SPACA7: variants seen among roughly 807,000 people sequenced by gnomAD.
SPACA7 encodes the protein sperm acrosome associated 7, also known as sperm acrosome-associated protein 7.
SPACA7 carries 19 observed loss-of-function variants against 26.3 expected under a neutral mutation model. The ratio of observed to expected loss-of-function variants is 0.72; its 90% CI spans 0.50 to 1.06. The LOEUF (loss-of-function observed/expected upper bound fraction) is 1.06, where lower values mean the gene tolerates loss of function less well. Ranked by LOEUF, SPACA7 falls within the 50% of genes least tolerant of loss-of-function variation. SPACA7 has a pLI of 0.00. For missense variants in SPACA7, 211 were observed against 229.9 expected, an observed-to-expected ratio of 0.92 and a Z score of 0.53; for synonymous variants, 84 against 84.5, an observed-to-expected ratio of 0.99 and a Z score of 0.04.
Position 112,399,068 on chromosome 13 carries a change from G to C in SPACA7, c.244G>C (p.Ala82Pro). 1.9e-6 allele frequency: 3 copies of C among 1,586,120 alleles called. No individual in the cohort carries two copies. Among genetic ancestry groups the C allele is most frequent in the Non-Finnish European group, 2.6e-6 (3 of 1,155,872 alleles). ...TTTTTCCATGTTCTTCATTGAAGATGCTGGTATTGATGAGAATTATCAAGC... is the reference window on the plus strand; with the variant it reads ...TTTTTCCATGTTCTTCATTGAAGATCCTGGTATTGATGAGAATTATCAAGC... ...TASTLSTPLH[A>P]GIDENYQAGG... The change falls in exon 4 of 7, where the codon GCT (alanine) becomes CCT (proline). Residue 82 changes from alanine (A) to proline (P), a missense_variant and splice_region_variant. Ala to Pro is a conservative substitution (Grantham distance 27). Coordinates refer to ENST00000283550, the MANE Select transcript of SPACA7 (RefSeq NM_145248.5).
chr13:112,426,589 A>C (rs1211571819), intron 5 of SPACA7, among the ~76,000 whole-genome samples: 1 of 152,202 alleles, frequency 6.6e-6, no homozygotes, highest in African/African-American at 2.4e-5. Flanking sequence ...CGTAGTTTTT[A>C]GCATAAAGAT....
intron 5 of SPACA7, among the ~76,000 whole-genome samples, chr13:112,402,521 G>A (rs1035161204): frequency 6.6e-6 from 1 of 152,118 alleles, no homozygotes; most frequent in Non-Finnish European, 1.5e-5. Context: ...GCATCTCATT[G>A]ATGTCCCTTG....
At position 112,399,164 on chromosome 13, in the gene SPACA7, T is replaced by C. The variant is rs1364423957; in HGVS notation, c.340T>C (p.Ser114Pro). ...QFSPGIEVKI[S>P]NDEANANANL... ...CTCTCCTGGCATTGAGGTCAAAATT[T>C]CCAATGATGGTAAATGCAACCCAGT... The change falls in exon 4 of 7, where the codon TCC becomes CCC. Residue 114 changes from serine to proline, a missense_variant. Physicochemically the swap from Ser to Pro is moderately conservative, Grantham distance 74. Transcript: ENST00000283550. 1 of 1,563,340 alleles carries C rather than the reference T, an allele frequency of 6.4e-7. No individual in the cohort carries two copies. Among genetic ancestry groups the C allele is most frequent in the Non-Finnish European group, 8.8e-7 (1 of 1,133,940 alleles).
chr13:112,410,373 AT>A (rs1166292106), intron 5 of SPACA7, among the ~76,000 whole-genome samples: 4 of 148,830 alleles, frequency 2.7e-5, no homozygotes, highest in South Asian at 2.1e-4. Flanking sequence ...AATTAAAAAA[AT>A]ATATATATAT....
chr13:112,395,029 G>A (rs1229349899), intron 2 of SPACA7, among the ~76,000 whole-genome samples: 2 of 152,168 alleles, frequency 1.3e-5, no homozygotes, highest in Non-Finnish European at 2.9e-5. Context: ...AGGCCAGGCC[G>A]AGACTCTCTG....
chr13:112,412,975 A>G (rs1366645467), intron 5 of SPACA7, among the ~76,000 whole-genome samples: 1 of 152,088 alleles, frequency 6.6e-6, no homozygotes, highest in African/African-American at 2.4e-5. Flanking sequence ...AAATCCCTAC[A>G]CTTTAACTCA....
intron 5 of SPACA7, among the ~76,000 whole-genome samples, chr13:112,417,618 T>C (rs963260218): frequency 6.6e-6 from 1 of 152,172 alleles, no homozygotes; most frequent in Non-Finnish European, 1.5e-5. Context: ...GTGTTATATA[T>C]TTTGAAGACT....
At chr13:112,414,067 G>A (rs1212178930) in intron 5 of SPACA7, among the ~76,000 whole-genome samples, 1 of 152,048 alleles carries the variant, frequency 6.6e-6, no homozygotes, top group Non-Finnish European at 1.5e-5. Context: ...AAAAGATCAA[G>A]AACTCATTAC....
intron 5 of SPACA7, among the ~76,000 whole-genome samples, chr13:112,405,817 A>G (rs1338487060): frequency 6.6e-6 from 1 of 152,116 alleles, no homozygotes; most frequent in Non-Finnish European, 1.5e-5. Flanking sequence ...TTTTTGCTTT[A>G]TGAGTGTGAT....
intron 5 of SPACA7, among the ~76,000 whole-genome samples, chr13:112,429,875 T>G (rs1876896782): frequency 6.6e-6 from 1 of 152,232 alleles, no homozygotes; most frequent in Non-Finnish European, 1.5e-5. Context: ...AGCAGTTTGG[T>G]CCTTTTGAGG....
chr13:112,397,567 G>A (rs772735995), intron 2 of SPACA7, among the ~76,000 whole-genome samples: 5 of 152,304 alleles, frequency 3.3e-5, no homozygotes, highest in South Asian at 4.1e-4. Flanking sequence ...TGTTTTTTCC[G>A]GGTCTGTCAG....
intron 1 of SPACA7, chr13:112,378,815 A>G (rs1051201692): frequency 6.4e-6 from 3 of 465,484 alleles, no homozygotes; most frequent in Non-Finnish European, 1.3e-5. Flanking sequence ...AATCTCAAAT[A>G]TGACATTCCA....
At chr13:112,377,878 A>T (rs1355761828) in intron 1 of SPACA7, among the ~76,000 whole-genome samples, 2 of 152,240 alleles carry the variant, frequency 1.3e-5, no homozygotes, top group Non-Finnish European at 2.9e-5. Context: ...TACGAAAAAG[A>T]GAAGAAAAAC....
At chr13:112,377,982 G>A (rs1422680828) in intron 1 of SPACA7, among the ~76,000 whole-genome samples, 1 of 152,196 alleles carries the variant, frequency 6.6e-6, no homozygotes, top group Non-Finnish European at 1.5e-5. Flanking sequence ...TTCAGCCGAT[G>A]GGGCAAGGAT....
chr13:112,383,292 G>A (rs1293034267), intron 1 of SPACA7, among the ~76,000 whole-genome samples: 1 of 152,008 alleles, frequency 6.6e-6, no homozygotes, highest in Non-Finnish European at 1.5e-5. Flanking sequence ...TTATAATTTA[G>A]TCTAAACTGC....
chr13:112,425,632 CAGAGAGAGACAGAG>C (rs1019120394), intron 5 of SPACA7, among the ~76,000 whole-genome samples: 7 of 140,602 alleles, frequency 5.0e-5, no homozygotes, highest in Admixed American at 1.4e-4. Flanking sequence ...AGAGAGAAGA[CAGAGAGAGACAGAG>C]AGAGAGAGAC....
chr13:112,392,707 C>T (rs1301965159), intron 1 of SPACA7, among the ~76,000 whole-genome samples: 2 of 152,276 alleles, frequency 1.3e-5, no homozygotes, highest in African/African-American at 4.8e-5. Context: ...ACCGGGATGT[C>T]GTCTTGACCT....
At chr13:112,390,138 TG>T (rs111257489) in intron 1 of SPACA7, among the ~76,000 whole-genome samples, 53,556 of 143,612 alleles carry the variant, frequency 0.37, 11,209 homozygotes, top group Non-Finnish European at 0.49. Flanking sequence ...GTAATGGGGG[TG>T]GGGGGAGGAG....
At chr13:112,390,516 G>A (rs12427947) in intron 1 of SPACA7, among the ~76,000 whole-genome samples, 20,780 of 152,230 alleles carry the variant, frequency 0.14, 1,689 homozygotes, top group South Asian at 0.34. Context: ...CACTGCTATA[G>A]AGACATACCT....
Sources: allele counts gnomAD v4.1 joint callset (sites outside exome capture counted in the v4.1 genomes callset), GRCh38; gene constraint gnomAD v4.1.1; transcripts MANE v1.5; gene names NCBI Gene and HGNC (gene_info 2026-07-23, HGNC 2026-07-21).